CYP4F8: variants seen among roughly 807,000 people sequenced by gnomAD.
CYP4F8 encodes cytochrome P450 family 4 subfamily F member 8.
A neutral mutation model predicts 55.0 loss-of-function variants in CYP4F8; 56 were observed. The observed-to-expected ratio is 1.02, with a 90% CI of 0.82 to 1.27. The LOEUF is 1.27. Among genes scored for constraint, CYP4F8 ranks in the 50% most tolerant of loss-of-function variants. CYP4F8 has a pLI of 0.00. For missense variants in CYP4F8, 680 were observed against 682.4 expected, an observed-to-expected ratio of 1.00 and a Z score of 0.04; for synonymous variants, 288 against 267.3, an observed-to-expected ratio of 1.08 and a Z score of -0.76.
chr19:15,623,062 T>C, intron 6 of CYP4F8, 43 bp from the exon 7 acceptor site: 1 of 1,584,390 alleles, frequency 6.3e-7, no homozygotes, highest in East Asian at 2.3e-5. Flanking sequence ...CAGGCTTTCA[T>C]GTGGGTAAGG....
chr19:15,623,215 GACGGCGCTTCC>G lies in CYP4F8; in HGVS notation c.761_771del (p.Arg254GlnfsTer23). 1 of 1,614,078 alleles carries G rather than the reference GACGGCGCTTCC, an allele frequency of 6.2e-7. No individual in the cohort carries two copies. Among genetic ancestry groups the G allele is most frequent in the Non-Finnish European group, 8.5e-7 (1 of 1,180,032 alleles). On this transcript the variant is annotated frameshift_variant, in exon 7 of 13. Coordinates refer to ENST00000612078, the MANE Select transcript of CYP4F8 (RefSeq NM_007253.4). LOFTEE classifies it high-confidence loss of function. ...TTCCTGTACTTCCTCACTCCCTGTG[GACGGCGCTTCC>G]ACAGGGCCTGCAGACTGGTGCACGA...
chr19:15,623,882 T>G (rs1317603105), intron 8 of CYP4F8, 83 bp from the exon 9 acceptor site: 2 of 1,596,238 alleles, frequency 1.3e-6, no homozygotes, highest in East Asian at 4.5e-5. Flanking sequence ...TCAACCTTCC[T>G]GAGAGCCTCA....
At chr19:15,621,230 G>T (rs1276416665) in intron 5 of CYP4F8, among the ~76,000 whole-genome samples, 4 of 152,146 alleles carry the variant, frequency 2.6e-5, no homozygotes, top group African/African-American at 9.7e-5. Context: ...ACAATGCTGA[G>T]AAATAGCCCA....
At chr19:15,615,948 C>CACTCACTCATTCCTCTTG in intron 2 of CYP4F8, 134 bp downstream of exon 2, 1 of 198,656 alleles carries the variant, frequency 5.0e-6, no homozygotes, top group Non-Finnish European at 8.3e-6. Flanking sequence ...CATTCCTCTT[C>CACTCACTCATTCCTCTTG]CCACTCATTC....
intron 9 of CYP4F8, among the ~76,000 whole-genome samples, chr19:15,626,300 A>G (rs8103544): frequency 0.013 from 2,026 of 152,270 alleles, 35 homozygotes; most frequent in African/African-American, 0.04. Flanking sequence ...GTTGCCTTCC[A>G]TATTGGCAGC....
At chr19:15,616,262 A>ATTCCTCTCCTCGCTCACTCC (rs1972120522) in intron 2 of CYP4F8, among the ~76,000 whole-genome samples, 1 of 145,006 alleles carries the variant, frequency 6.9e-6, no homozygotes, top group Non-Finnish European at 1.5e-5. Context: ...TCGCTCACTC[A>ATTCCTCTCCTCGCTCACTCC]TTCCTCTCCT....
At chr19:15,619,060 T>C (rs1032340182) in intron 3 of CYP4F8, 45 of 186,388 alleles carry the variant, frequency 2.4e-4, no homozygotes, top group Non-Finnish European at 4.5e-5. Context: ...CCCCACGCAG[T>C]CTAAGCCATT....
Position 15,623,716 on chromosome 19 carries a change from G to A in CYP4F8, c.936G>A (p.Glu312=), listed in dbSNP as rs1046539100. The A allele has an allele frequency of 6.2e-6, 10 of 1,614,042 alleles. No individual in the cohort carries two copies. The highest frequency in any genetic ancestry group is 1.3e-5 in the African/African-American group (1 of 74,918). The change falls in exon 8 of 13, where the codon GAG becomes GAA. Residue 312 remains glutamate, a synonymous_variant. Coordinates refer to ENST00000612078, the MANE Select transcript of CYP4F8 (RefSeq NM_007253.4). The part of the protein sequence containing the change: ...LLLSEDKNGK[E]LSDEDIRAEA... ...GTCTCCAGGATAAAAATGGTAAAGAGTTGTCAGATGAGGACATAAGAGCAG... is the reference window on the plus strand; with the variant it reads ...GTCTCCAGGATAAAAATGGTAAAGAATTGTCAGATGAGGACATAAGAGCAG...
intron 5 of CYP4F8, among the ~76,000 whole-genome samples, chr19:15,621,122 T>C (rs1037538247): frequency 7.9e-5 from 12 of 152,250 alleles, no homozygotes; most frequent in African/African-American, 2.6e-4. Flanking sequence ...GGGAGGAGCA[T>C]TAGGCTTAGA....
In CYP4F8 at chr19:15,629,315, G is replaced by T; in HGVS notation, c.1520G>T (p.Arg507Leu). 6.2e-7 allele frequency: 1 copy of T among 1,612,912 alleles called. No individual in the cohort carries two copies. Among genetic ancestry groups the T allele is most frequent in the South Asian group, 1.1e-5 (1 of 90,772 alleles). Residue 507 changes from arginine (R) to leucine (L), a missense_variant, in exon 13 of 13, where the codon CGT becomes CTT. Arg to Leu is a moderately radical substitution (Grantham distance 102). Transcript: ENST00000612078. The stretch of plus-strand genomic sequence containing the variant: ...CGCAGGACGCCGGAGATTGTTTTGC[G>T]TGCGGAGGACGGACTTTGGCTGCGA... ...EPRRTPEIVLRAEDGLWLRVE... is the reference protein window; with the variant it reads ...EPRRTPEIVLLAEDGLWLRVE...
In CYP4F8 at chr19:15,628,743, A is replaced by G; in HGVS notation, c.1315-18A>G. The G allele has an allele frequency of 6.2e-7, 1 of 1,613,240 alleles. No homozygotes were observed. ...CCTGAGAGGCCCCATCAGCAGCCTT[A>G]ACTTGCCTCCACCCCAGGTCTATGA... On this transcript the variant is annotated intron_variant, in intron 11 of 12. Coordinates refer to ENST00000612078, the MANE Select transcript of CYP4F8 (RefSeq NM_007253.4).
Position 15,628,642 on chromosome 19 carries a change from G to A in CYP4F8, c.1314+47G>A, listed in dbSNP as rs761924257. On this transcript the variant is annotated intron_variant, in intron 11 of 12. Transcript: ENST00000612078. ...CCATCCCCCGGGCCTGGTCGGGGGA[G>A]GGGTCTTGTCCCGGAAAACCAGATA... 1.4e-5 allele frequency: 22 copies of A among 1,607,730 alleles called. No individual in the cohort carries two copies. The South Asian group carries it at 2.2e-4, about 16-fold the overall frequency.
intron 2 of CYP4F8, among the ~76,000 whole-genome samples, chr19:15,616,314 G>GCTCACTCATTCCTCTCCTCT: frequency 7.6e-6 from 1 of 132,060 alleles, no homozygotes; most frequent in Admixed American, 7.5e-5. Flanking sequence ...TCCTCTCCTT[G>GCTCACTCATTCCTCTCCTCT]CTCACTCATT....
At chr19:15,616,878 G>T (rs115012190) in intron 2 of CYP4F8, among the ~76,000 whole-genome samples, 1,650 of 152,342 alleles carry the variant, frequency 0.011, 30 homozygotes, top group African/African-American at 0.038. Flanking sequence ...AATGATGGGT[G>T]TGTCCACAGG....
Position 15,617,956 on chromosome 19 carries a change from A to T in CYP4F8, c.199-44A>T, listed in dbSNP as rs1452890421. 1.9e-6 allele frequency: 3 copies of T among 1,601,938 alleles called. No homozygotes were observed. In the Admixed American group the frequency reaches 5.1e-5, roughly 27 times the overall value. Reference sequence around the variant, plus strand: ...TGGATATCTGGGCATCCCTTAACCCAGTCAAGTGGACACAGGAGGTGATGG... The same window carrying T: ...TGGATATCTGGGCATCCCTTAACCCTGTCAAGTGGACACAGGAGGTGATGG... On this transcript the variant is annotated intron_variant, in intron 2 of 12. Coordinates refer to ENST00000612078, the MANE Select transcript of CYP4F8 (RefSeq NM_007253.4).
Position 15,615,714 on chromosome 19 carries a change from G to C in CYP4F8, c.98G>C (p.Arg33Pro). 1.2e-6 allele frequency: 2 copies of C among 1,614,090 alleles called. No individual in the cohort carries two copies. Among genetic ancestry groups the C allele is most frequent in the Non-Finnish European group, 8.5e-7 (1 of 1,179,974 alleles). ...GTCGGGGCCTCCTGGCTCCTGGCCC[G>C]CATCCTGGCCTGGACCTATGCCTTC... Reference protein sequence around the residue: ...LVVGASWLLARILAWTYAFYH... With the variant: ...LVVGASWLLAPILAWTYAFYH... Residue 33 changes from arginine (R) to proline (P), a missense_variant, in exon 2 of 13, where the codon CGC becomes CCC. Transcript: ENST00000612078.
chr19:15,623,858 A>C (rs1305970572), intron 8 of CYP4F8, 93 bp downstream of exon 8: 4 of 1,593,876 alleles, frequency 2.5e-6, no homozygotes, highest in Non-Finnish European at 3.4e-6. Flanking sequence ...ATTCTGCCCA[A>C]CCTCCCCCTC....
At chr19:15,622,010 C>A in intron 5 of CYP4F8, 1 of 569,224 alleles carries the variant, frequency 1.8e-6, no homozygotes, top group Non-Finnish European at 2.9e-6. Flanking sequence ...TTAGGAATCA[C>A]AGCTGGGGCT....
At position 15,618,414 on chromosome 19, in the gene CYP4F8, C is replaced by T. The variant is rs1409060253; in HGVS notation, c.343+270C>T. The T allele has an allele frequency of 1.1e-5, 6 of 564,944 alleles. No homozygotes were observed. In the Admixed American group the frequency reaches 1.2e-4, roughly 11 times the overall value. 35.0% of individuals were successfully genotyped at this position (564,944 alleles called of 1,614,324 possible). On this transcript the variant is annotated intron_variant, in intron 3 of 12. Transcript: ENST00000612078. The stretch of plus-strand genomic sequence containing the variant: ...CAAGGCCCTGTCCTGGAGGAATCCC[C>T]AAACTTGAAGAGATGGAGCAGTACA...
Sources: allele counts gnomAD v4.1 joint callset (sites outside exome capture counted in the v4.1 genomes callset), GRCh38; gene constraint gnomAD v4.1.1; transcripts MANE v1.5; gene names NCBI Gene and HGNC (gene_info 2026-07-23, HGNC 2026-07-21).